The following GSE1 variants were observed in gnomAD, a reference collection of about 807,000 sequenced individuals.
GSE1 encodes genetic suppressor element 1.
In GSE1, 32 loss-of-function variants were observed where a neutral mutation model predicts 112.6. That is an observed-to-expected ratio of 0.28 (90% confidence interval 0.21 to 0.38). The LOEUF (loss-of-function observed/expected upper bound fraction) is 0.38. Ranked by LOEUF, GSE1 falls within the 10% of genes least tolerant of loss-of-function variation. The probability of loss-of-function intolerance (pLI) is 1.00; values close to 1 mark genes in which losing one functional copy is unlikely to be tolerated. For synonymous variants in GSE1, 1,115 were observed against 735.6 expected (o/e 1.52, Z -8.35); for missense variants, 2,348 against 1,699.2 (o/e 1.38, Z -6.71).
intron 2 of GSE1, among the ~76,000 whole-genome samples, chr16:85,376,861 G>A (rs1307352867): frequency 6.6e-6 from 1 of 152,218 alleles, no homozygotes; most frequent in African/African-American, 2.4e-5. Flanking sequence ...TGTGTCCGTG[G>A]TGCCATAGGC....
At chr16:85,235,396 G>A (rs1334221821) in intron 1 of GSE1, among the ~76,000 whole-genome samples, 3 of 150,932 alleles carry the variant, frequency 2.0e-5, no homozygotes, top group African/African-American at 7.3e-5. Context: ...GACCGCAGCG[G>A]GGGGTGGGGT....
chr16:85,316,763 C>G (rs764554422), intron 1 of GSE1, among the ~76,000 whole-genome samples: 2 of 152,208 alleles, frequency 1.3e-5, no homozygotes, highest in African/African-American at 2.4e-5. Context: ...GTGCTGTGGC[C>G]TATTTCCTGT....
chr16:85,494,896 C>T (rs1401780556), intron 2 of GSE1, among the ~76,000 whole-genome samples: 4 of 152,202 alleles, frequency 2.6e-5, no homozygotes, highest in Admixed American at 6.5e-5. Flanking sequence ...AAGGAGGTGC[C>T]GGGCCCTGTC....
chr16:85,666,519 C>G (rs1045460312), intron 13 of GSE1, 172 bp downstream of exon 13: 1 of 662,722 alleles, frequency 1.5e-6, no homozygotes, highest in East Asian at 2.7e-5. Flanking sequence ...GTTTGTTTAT[C>G]TCCAAGCTCT....
At chr16:85,400,728 G>A (rs758965859) in intron 2 of GSE1, among the ~76,000 whole-genome samples, 5 of 151,168 alleles carry the variant, frequency 3.3e-5, no homozygotes, top group Non-Finnish European at 7.4e-5. Flanking sequence ...GTCTCTGTGT[G>A]GTGTGTCTCT....
intron 2 of GSE1, among the ~76,000 whole-genome samples, chr16:85,494,142 A>G (rs1401887458): frequency 6.6e-6 from 1 of 152,252 alleles, no homozygotes. Flanking sequence ...AGAGGGGCTT[A>G]TAACAACAGA....
chr16:85,611,949 A>G (rs970375718), upstream of GSE1, among the ~76,000 whole-genome samples: 2 of 151,032 alleles, frequency 1.3e-5, no homozygotes, highest in Non-Finnish European at 1.5e-5. Context: ...GTCCCGGGGC[A>G]GGTTTGGGGC....
At chr16:85,655,420 C>T (rs562642546) in intron 5 of GSE1, among the ~76,000 whole-genome samples, 2 of 152,342 alleles carry the variant, frequency 1.3e-5, no homozygotes, top group Admixed American at 6.5e-5. Context: ...GACCACCCCA[C>T]GTCAGGGCAG....
At chr16:85,345,717 C>T (rs1028178942) in intron 1 of GSE1, among the ~76,000 whole-genome samples, 1 of 152,220 alleles carries the variant, frequency 6.6e-6, no homozygotes, top group Non-Finnish European at 1.5e-5. Flanking sequence ...TATTCATACT[C>T]ATGTTAAAAT....
In GSE1 at chr16:85,668,276, G is replaced by A. The variant is rs1349394045; in HGVS notation, c.3267G>A (p.Arg1089=). ...GGCAGCAGGAGCCCCCCACTGCAAG[G>A]AAGGGCCCCCCAACCCAGGAGTTGG... is the stretch of plus-strand genomic sequence containing the variant. ...HNGQQEPPTA[R]KGPPTQELDR... is the part of the protein sequence containing the mutation. Residue 1089 remains arginine, a synonymous_variant, in exon 14 of 16, where the codon AGG becomes AGA. Coordinates refer to ENST00000253458, the MANE Select transcript of GSE1 (RefSeq NM_014615.5). The A allele has an allele frequency of 2.5e-6, 4 of 1,613,412 alleles. No individual in the cohort carries two copies. Among genetic ancestry groups the A allele is most frequent in the Non-Finnish European group, 3.4e-6 (4 of 1,179,472 alleles).
chr16:85,564,914 C>A (rs1455133825), intron 1 of GSE1, among the ~76,000 whole-genome samples: 1 of 152,154 alleles, frequency 6.6e-6, no homozygotes, highest in Non-Finnish European at 1.5e-5. Flanking sequence ...CCCTTCACAG[C>A]TTCTGGCAGG....
intron 1 of GSE1, among the ~76,000 whole-genome samples, chr16:85,195,924 A>G (rs953450172): frequency 1.3e-5 from 2 of 152,154 alleles, no homozygotes; most frequent in East Asian, 1.9e-4. Flanking sequence ...GGGGCCAGAT[A>G]TGTCTCGGAA....
At chr16:85,633,564 C>A (rs2049729057) in intron 1 of GSE1, among the ~76,000 whole-genome samples, 1 of 152,186 alleles carries the variant, frequency 6.6e-6, no homozygotes, top group Admixed American at 6.5e-5. Flanking sequence ...AGTCTCCTTC[C>A]CCACGCCATT....
At chr16:85,528,480 A>ATTTTTT (rs11388377) in intron 2 of GSE1, among the ~76,000 whole-genome samples, 3 of 144,268 alleles carry the variant, frequency 2.1e-5, no homozygotes, top group Non-Finnish European at 4.5e-5. Flanking sequence ...CCCCCGGCTA[A>ATTTTTT]TTTTTTTTTT....
intron 1 of GSE1, among the ~76,000 whole-genome samples, chr16:85,557,286 A>T (rs532299620): frequency 6.6e-6 from 1 of 152,292 alleles, no homozygotes; most frequent in Admixed American, 6.5e-5. Context: ...GACGCAGGTC[A>T]GGAAGGCTGT....
chr16:85,630,813 A>G (rs368708633), intron 1 of GSE1, among the ~76,000 whole-genome samples: 1 of 152,102 alleles, frequency 6.6e-6, no homozygotes, highest in African/African-American at 2.4e-5. Flanking sequence ...GACCAAGCTT[A>G]GGTCATCTCC....
rs978970311 is a variant in GSE1, at chr16:85,510,407, CG to C, written c.2465-123506del. 1.7e-3 allele frequency among the ~76,000 whole-genome samples: 257 copies of C among 149,410 alleles called. 1 individual carries two copies. Among genetic ancestry groups the C allele is most frequent in the African/African-American group, 5.8e-3 (233 of 40,336 alleles). Reference sequence around the variant, plus strand: ...AGCCCAGGACCAGGGCCCGAGCGTGCGTGTGTGTGTGTCTGTGTGTGTGTGT... The same window carrying C: ...AGCCCAGGACCAGGGCCCGAGCGTGCTGTGTGTGTGTCTGTGTGTGTGTGT... On this transcript the variant is annotated intron_variant, in intron 2 of 2. Coordinates refer to the GSE1 transcript ENST00000637419.
intron 1 of GSE1, among the ~76,000 whole-genome samples, chr16:85,283,715 A>T (rs1006716770): frequency 6.6e-6 from 1 of 152,190 alleles, no homozygotes; most frequent in Non-Finnish European, 1.5e-5. Flanking sequence ...ATGGCTGTTG[A>T]TTCTGCTGGG....
intron 2 of GSE1, among the ~76,000 whole-genome samples, chr16:85,365,935 A>G (rs1214735084): frequency 1.3e-5 from 2 of 152,198 alleles, no homozygotes; most frequent in Admixed American, 1.3e-4. Context: ...AACGGGGATG[A>G]CGGGGTTTCA....
Sources: gnomAD v4.1 joint callset for allele counts (sites outside exome capture counted in the v4.1 genomes callset) on GRCh38, gnomAD v4.1.1 for gene constraint, MANE v1.5 for transcripts, NCBI Gene and HGNC (gene_info 2026-07-23, HGNC 2026-07-21) for gene names.